Variants in ADCY10 observed in about 807,000 individuals in gnomAD.
ADCY10 encodes adenylate cyclase type 10.
ADCY10 carries 156 observed loss-of-function variants against 183.3 expected under a neutral mutation model. That is an observed-to-expected ratio of 0.85 (90% confidence interval 0.75 to 0.97). The LOEUF is 0.97. Among genes scored for constraint, ADCY10 ranks in the 50% least tolerant of loss-of-function variants. The pLI is 0.00. For missense variants in ADCY10, 1,745 were observed against 1,934.3 expected (o/e 0.90, Z 1.84); for synonymous variants, 645 against 670.0 (o/e 0.96, Z 0.58).
chr1:167,828,832 C>T (rs978107980), intron 26 of ADCY10, among the ~76,000 whole-genome samples: 3 of 152,012 alleles, frequency 2.0e-5, no homozygotes, highest in Admixed American at 2.0e-4. Flanking sequence ...TGTGGTGGCG[C>T]ATGCCTGTAG....
intron 7 of ADCY10, among the ~76,000 whole-genome samples, chr1:167,894,813 C>A (rs1668846038): frequency 6.6e-6 from 1 of 152,062 alleles, no homozygotes; most frequent in Admixed American, 6.6e-5. Context: ...GATCCCAGAG[C>A]TTGCAGCTAG....
At chr1:167,906,557 A>G (rs890019543) in intron 1 of ADCY10, among the ~76,000 whole-genome samples, 38 of 151,464 alleles carry the variant, frequency 2.5e-4, no homozygotes, top group African/African-American at 8.7e-4. Flanking sequence ...GGAGGCCTAC[A>G]CAGGAGTATT....
At chr1:167,863,177 G>A (rs937990803) in intron 14 of ADCY10, among the ~76,000 whole-genome samples, 5 of 152,176 alleles carry the variant, frequency 3.3e-5, no homozygotes, top group African/African-American at 1.2e-4. Flanking sequence ...CCGGCGCCTA[G>A]GAACCAGACC....
intron 8 of ADCY10, among the ~76,000 whole-genome samples, chr1:167,892,305 TTC>T (rs1259994688): frequency 3.9e-5 from 6 of 152,186 alleles, no homozygotes; most frequent in Non-Finnish European, 8.8e-5. Context: ...AATAAAAAAC[TTC>T]TGTCAGACTA....
In ADCY10 at chr1:167,861,072, G is replaced by T; in HGVS notation, c.1617-9C>A. On this transcript the variant is annotated splice_polypyrimidine_tract_variant and intron_variant, in intron 14 of 32. Transcript: ENST00000367851. ...ATGAAATGGCAATAATCCTGTTTGT[G>T]AGAAAATCAAGAAACAGAAGAGAGT... 1 of 1,611,606 alleles carries T rather than the reference G, an allele frequency of 6.2e-7. No homozygotes were observed. The highest frequency in any genetic ancestry group is 8.5e-7 in the Non-Finnish European group (1 of 1,177,834).
At chr1:167,910,504 T>C (rs1670081561) in intron 1 of ADCY10, among the ~76,000 whole-genome samples, 1 of 152,192 alleles carries the variant, frequency 6.6e-6, no homozygotes. Context: ...TGGGTGTGTA[T>C]GCAAGGTGTA....
Position 167,833,084 on chromosome 1 carries a change from G to A in ADCY10, c.3496C>T (p.Pro1166Ser). 1 of 1,614,158 alleles carries A rather than the reference G, an allele frequency of 6.2e-7. No individual in the cohort carries two copies. The highest frequency in any genetic ancestry group is 8.5e-7 in the Non-Finnish European group (1 of 1,180,026). ...AGAAACAAGGAGATTAAGTTGTAAG[G>A]AAAGATTCGGTTGAGGAGCTTCAGT... ...KALKLLNRIF[P>S]YNLISLFLHI... The change falls in exon 25 of 33, where the codon CCT (proline) becomes TCT (serine). Residue 1166 changes from proline to serine, a missense_variant. Physicochemically the swap from Pro to Ser is moderately conservative, Grantham distance 74. Transcript: ENST00000367851.
At chr1:167,833,636 T>C (rs1663955170) in intron 24 of ADCY10, among the ~76,000 whole-genome samples, 1 of 151,818 alleles carries the variant, frequency 6.6e-6, no homozygotes. Flanking sequence ...TCCCAGCTAC[T>C]TTGGAGGCTG....
intron 8 of ADCY10, among the ~76,000 whole-genome samples, chr1:167,891,634 C>T (rs6666386): frequency 0.26 from 38,232 of 144,814 alleles, 5,310 homozygotes; most frequent in African/African-American, 0.37. Context: ...CCAGCCTGGG[C>T]GACAGAATGA....
At chr1:167,830,091 C>T (rs967960439) in intron 25 of ADCY10, among the ~76,000 whole-genome samples, 1 of 152,186 alleles carries the variant, frequency 6.6e-6, no homozygotes, top group Admixed American at 6.5e-5. Flanking sequence ...AGTATCTGCA[C>T]GGGTAGCTAC....
At chr1:167,814,866 C>T (rs575129990) in intron 31 of ADCY10, among the ~76,000 whole-genome samples, 6 of 152,310 alleles carry the variant, frequency 3.9e-5, no homozygotes, top group African/African-American at 1.4e-4. Context: ...GGGCTCATGC[C>T]TGTAATCCCA....
At chr1:167,810,270 C>T (rs565861605) in intron 32 of ADCY10, among the ~76,000 whole-genome samples, 1 of 152,286 alleles carries the variant, frequency 6.6e-6, no homozygotes, top group South Asian at 2.1e-4. Flanking sequence ...GAACTATGGA[C>T]ATGTCACCCT....
intron 6 of ADCY10, 35 bp downstream of exon 6, chr1:167,899,388 G>A (rs778915762): frequency 6.2e-7 from 1 of 1,606,130 alleles, no homozygotes; most frequent in East Asian, 2.2e-5. Context: ...TTACAGGCTG[G>A]CAGAACTTTC....
chr1:167,873,415 A>G (rs1325593473), intron 13 of ADCY10, among the ~76,000 whole-genome samples: 1 of 152,174 alleles, frequency 6.6e-6, no homozygotes, highest in Non-Finnish European at 1.5e-5. Context: ...TTGTGGCCCA[A>G]TATTTCTCCA....
rs368187034 is a variant in ADCY10, at chr1:167,907,667, G to A, written c.-58-2469C>T. Among the ~76,000 whole-genome samples, 62 of 152,314 alleles carry A rather than the reference G, an allele frequency of 4.1e-4. No individual in the cohort carries two copies. The South Asian group carries it at 8.3e-3, about 20-fold the overall frequency. ...GCAGCCTCAATGGTTATTTAGATTAGCAAGAGGTGATTAAAAGGAGTCAAA... is the reference window on the plus strand; with the variant it reads ...GCAGCCTCAATGGTTATTTAGATTAACAAGAGGTGATTAAAAGGAGTCAAA... On this transcript the variant is annotated intron_variant, in intron 1 of 32. Coordinates refer to ENST00000367851, the MANE Select transcript of ADCY10 (RefSeq NM_018417.6).
chr1:167,870,259 G>A lies in ADCY10; in HGVS notation c.1614C>T (p.His538=), dbSNP rs1328171619. ...KIEYLAQGKN[H]RIIAISLNKI... ...AACAATCATTCCAAGACACTCACCT[G>A]TGATTCTTACCTTGGGCCAGGTACT... Residue 538 remains histidine (H), a splice_region_variant and synonymous_variant, in exon 14 of 33, where the codon CAC becomes CAT. Coordinates refer to ENST00000367851, the MANE Select transcript of ADCY10 (RefSeq NM_018417.6). 6.2e-7 allele frequency: 1 copy of A among 1,613,834 alleles called. No individual in the cohort carries two copies. The highest frequency in any genetic ancestry group is 8.5e-7 in the Non-Finnish European group (1 of 1,179,964).
chr1:167,901,764 G>A lies in ADCY10; in HGVS notation c.334C>T (p.Leu112=). The change falls in exon 5 of 33, where the codon CTG becomes TTG. Residue 112 remains leucine, a synonymous_variant. Transcript: ENST00000367851. The part of the protein sequence containing the change: ...LALWRVERKQ[L]KNIITVVIKC... ...ATTACCACTGTGATAATGTTTTTCA[G>A]CTGCTTTCGCTCCACCCTCCACAGG... 6.2e-7 allele frequency: 1 copy of A among 1,614,172 alleles called. No homozygotes were observed. The highest frequency in any genetic ancestry group is 8.5e-7 in the Non-Finnish European group (1 of 1,180,034).
At chr1:167,839,850 T>A (rs1262996448) in intron 21 of ADCY10, among the ~76,000 whole-genome samples, 4 of 152,176 alleles carry the variant, frequency 2.6e-5, no homozygotes, top group African/African-American at 9.7e-5. Flanking sequence ...TAAACGCACG[T>A]TTGTTGAAAA....
intron 19 of ADCY10, among the ~76,000 whole-genome samples, chr1:167,847,927 C>T (rs1017494029): frequency 2.0e-5 from 3 of 152,218 alleles, no homozygotes; most frequent in Non-Finnish European, 4.4e-5. Flanking sequence ...CTACCCTGAG[C>T]CTTCTCACTG....
Sources: allele counts gnomAD v4.1 joint callset (sites outside exome capture counted in the v4.1 genomes callset), GRCh38; gene constraint gnomAD v4.1.1; transcripts MANE v1.5; gene names NCBI Gene and HGNC (gene_info 2026-07-23, HGNC 2026-07-21).